RSU1: variants seen among roughly 807,000 people sequenced by gnomAD.
The protein encoded by RSU1 is rsu-1.
In RSU1, 26 loss-of-function variants were observed where a neutral mutation model predicts 31.1. The ratio of observed to expected loss-of-function variants is 0.84; its 90% CI spans 0.61 to 1.16. RSU1 has a LOEUF of 1.16. Ranked by LOEUF, RSU1 falls within the 50% of genes most tolerant of loss-of-function variation. The pLI, the probability that RSU1 is intolerant of heterozygous loss-of-function variation, is 0.00. For missense variants in RSU1, 320 were observed against 339.1 expected (o/e 0.94, Z 0.44); for synonymous variants, 164 against 136.3 (o/e 1.20, Z -1.41).
intron 8 of RSU1, among the ~76,000 whole-genome samples, chr10:16,631,607 AG>A (rs1834250668): frequency 6.6e-6 from 1 of 152,252 alleles, no homozygotes; most frequent in African/African-American, 2.4e-5. Context: ...TCATTTTAAA[AG>A]TGAAAAGTGT....
chr10:16,642,501 G>A (rs186980126), intron 8 of RSU1, among the ~76,000 whole-genome samples: 1 of 152,268 alleles, frequency 6.6e-6, no homozygotes, highest in East Asian at 1.9e-4. Flanking sequence ...GCTGGGGGAA[G>A]AGCCACTTTC....
chr10:16,635,475 C>G (rs1489452394), intron 8 of RSU1, among the ~76,000 whole-genome samples: 3 of 152,222 alleles, frequency 2.0e-5, no homozygotes, highest in Non-Finnish European at 4.4e-5. Flanking sequence ...GTCCCCACAC[C>G]CTTAGCAGCC....
At chr10:16,675,531 G>C (rs1019812936) in intron 8 of RSU1, among the ~76,000 whole-genome samples, 1 of 152,162 alleles carries the variant, frequency 6.6e-6, no homozygotes, top group African/African-American at 2.4e-5. Context: ...ACACTTGGCA[G>C]CCAATTCCAG....
At chr10:16,714,995 A>G (rs1175671581) in intron 7 of RSU1, among the ~76,000 whole-genome samples, 1 of 152,112 alleles carries the variant, frequency 6.6e-6, no homozygotes, top group African/African-American at 2.4e-5. Flanking sequence ...ACCAGCATAC[A>G]TTTCCCCATA....
At chr10:16,814,879 G>C (rs1838493928) in intron 2 of RSU1, among the ~76,000 whole-genome samples, 1 of 152,198 alleles carries the variant, frequency 6.6e-6, no homozygotes, top group East Asian at 1.9e-4. Context: ...AGAGATAACG[G>C]AGCTGAACCG....
chr10:16,743,105 C>A (rs1340094900), intron 7 of RSU1, among the ~76,000 whole-genome samples: 1 of 152,176 alleles, frequency 6.6e-6, no homozygotes, highest in Non-Finnish European at 1.5e-5. Context: ...TAGGAGCATG[C>A]AATAAAATCC....
At chr10:16,721,721 T>C (rs2131590581) in intron 7 of RSU1, 1 of 152,344 alleles carries the variant, frequency 6.6e-6, no homozygotes, top group African/African-American at 2.4e-5. Context: ...ACTTGATAAC[T>C]GCAATGGAAA....
chr10:16,780,653 C>T (rs971838649), intron 3 of RSU1, among the ~76,000 whole-genome samples: 1 of 152,196 alleles, frequency 6.6e-6, no homozygotes, highest in African/African-American at 2.4e-5. Flanking sequence ...AACTACACAA[C>T]AGAACATGTC....
At chr10:16,671,666 G>T (rs1321843277) in intron 8 of RSU1, among the ~76,000 whole-genome samples, 2 of 151,670 alleles carry the variant, frequency 1.3e-5, no homozygotes, top group African/African-American at 4.8e-5. Flanking sequence ...TCACTCTGTT[G>T]CGAGGCTGGA....
At chr10:16,792,235 A>C (rs1182544712) in intron 2 of RSU1, among the ~76,000 whole-genome samples, 1 of 152,168 alleles carries the variant, frequency 6.6e-6, no homozygotes, top group Non-Finnish European at 1.5e-5. Context: ...CAAAGGATTC[A>C]TCACTTTTTT....
chr10:16,664,434 T>C (rs956103026), intron 8 of RSU1, among the ~76,000 whole-genome samples: 5 of 152,188 alleles, frequency 3.3e-5, no homozygotes, highest in Non-Finnish European at 7.3e-5. Context: ...AGCAAGGAAG[T>C]GTTACATACT....
At chr10:16,598,269 G>A (rs1430341751) in intron 8 of RSU1, among the ~76,000 whole-genome samples, 3 of 152,128 alleles carry the variant, frequency 2.0e-5, no homozygotes, top group Admixed American at 2.0e-4. Flanking sequence ...CCAGCTGCAG[G>A]GGTACACATC....
chr10:16,660,519 C>CA (rs1442800124), intron 8 of RSU1, among the ~76,000 whole-genome samples: 1 of 151,992 alleles, frequency 6.6e-6, no homozygotes, highest in African/African-American at 2.4e-5. Context: ...CTTCAATCAA[C>CA]ATATGTTAAA....
At chr10:16,671,816 T>C (rs535648303) in intron 8 of RSU1, among the ~76,000 whole-genome samples, 3 of 151,342 alleles carry the variant, frequency 2.0e-5, no homozygotes, top group African/African-American at 7.3e-5. Context: ...TTAGTAGAGA[T>C]GGGGTTTCAC....
intron 4 of RSU1, among the ~76,000 whole-genome samples, chr10:16,762,064 T>A (rs1379081242): frequency 6.6e-6 from 1 of 152,122 alleles, no homozygotes; most frequent in East Asian, 1.9e-4. Flanking sequence ...ATCTGTGACC[T>A]CATTGGTCTG....
intron 2 of RSU1, among the ~76,000 whole-genome samples, chr10:16,808,520 G>A (rs189019676): frequency 2.3e-3 from 339 of 147,748 alleles, no homozygotes; most frequent in African/African-American, 8.1e-3. Context: ...AGTGAACTCC[G>A]TTTCCACCAC....
intron 3 of RSU1, among the ~76,000 whole-genome samples, chr10:16,768,157 G>T (rs1290767120): frequency 6.6e-6 from 1 of 152,114 alleles, no homozygotes; most frequent in African/African-American, 2.4e-5. Flanking sequence ...GACACCAAAG[G>T]AACTAAAGAG....
chr10:16,688,295 T>G (rs566855606), intron 8 of RSU1, among the ~76,000 whole-genome samples: 1 of 152,278 alleles, frequency 6.6e-6, no homozygotes, highest in Non-Finnish European at 1.5e-5. Flanking sequence ...AATGTGATAA[T>G]GCATTTTCAA....
intron 7 of RSU1, among the ~76,000 whole-genome samples, chr10:16,701,548 C>T (rs1371028102): frequency 6.6e-6 from 1 of 152,112 alleles, no homozygotes. Flanking sequence ...CATTGCATTG[C>T]TGCTTTAAGA....
Sources: gnomAD v4.1 joint callset for allele counts (sites outside exome capture counted in the v4.1 genomes callset) on GRCh38, gnomAD v4.1.1 for gene constraint, MANE v1.5 for transcripts, NCBI Gene and HGNC (gene_info 2026-07-23, HGNC 2026-07-21) for gene names.